The following SYT16 variants were observed in gnomAD, a reference collection of about 807,000 sequenced individuals.
The protein encoded by SYT16 is synaptotagmin-16.
SYT16 carries 42 observed loss-of-function variants against 61.4 expected under a neutral mutation model. The observed-to-expected ratio is 0.68, with a 90% CI of 0.53 to 0.89. SYT16 has a LOEUF of 0.89. Ranked by LOEUF, SYT16 falls within the 40% of genes least tolerant of loss-of-function variation. SYT16 has a pLI of 0.00. For synonymous variants in SYT16, 314 were observed against 302.3 expected, an observed-to-expected ratio of 1.04 and a Z score of -0.40; for missense variants, 804 against 807.3, an observed-to-expected ratio of 1.00 and a Z score of 0.05.
Position 62,105,822 on chromosome 14 carries a change from G to A in SYT16, c.*5115G>A, listed in dbSNP as rs1314557158. On this transcript the variant is annotated 3_prime_UTR_variant, in exon 8 of 8. Transcript: ENST00000683842. Reference sequence around the variant, plus strand: ...GAAACATGATTCTGGGATGAGAAGTGCGAGGCTACACTCCTAATATAATCA... The same window carrying A: ...GAAACATGATTCTGGGATGAGAAGTACGAGGCTACACTCCTAATATAATCA... The A allele has an allele frequency of 6.6e-6, 1 of 152,208 alleles. No individual in the cohort carries two copies. The highest frequency in any genetic ancestry group is 2.4e-5 in the African/African-American group (1 of 41,444). 9.4% of individuals were successfully genotyped at this position (152,208 alleles called of 1,614,324 possible).
chr14:61,926,162 T>C (rs1453058327), intron 1 of SYT16, among the ~76,000 whole-genome samples: 1 of 152,158 alleles, frequency 6.6e-6, no homozygotes, highest in Non-Finnish European at 1.5e-5. Flanking sequence ...AAGTTGTGAC[T>C]TCCAAAAAAA....
chr14:61,846,873 T>A (rs1326649001), intron 1 of SYT16, among the ~76,000 whole-genome samples: 1 of 152,174 alleles, frequency 6.6e-6, no homozygotes, highest in Non-Finnish European at 1.5e-5. Flanking sequence ...TACTATCTTA[T>A]AACCCATTAT....
intron 1 of SYT16, among the ~76,000 whole-genome samples, chr14:61,941,333 C>T (rs1337780653): frequency 1.3e-5 from 2 of 152,288 alleles, no homozygotes; most frequent in African/African-American, 2.4e-5. Flanking sequence ...ATTCAGGCTT[C>T]AGCTCATATA....
intron 1 of SYT16, among the ~76,000 whole-genome samples, chr14:61,876,611 T>G (rs1020384730): frequency 6.6e-6 from 1 of 152,230 alleles, no homozygotes; most frequent in Non-Finnish European, 1.5e-5. Flanking sequence ...GTTTGATAAT[T>G]GCTGGGTAAA....
intron 1 of SYT16, among the ~76,000 whole-genome samples, chr14:61,965,115 C>T (rs2051262415): frequency 6.6e-6 from 1 of 152,138 alleles, no homozygotes; most frequent in Admixed American, 6.6e-5. Flanking sequence ...GGTATGACTG[C>T]ATTTTCAATT....
chr14:62,020,860 C>A (rs918852623), intron 3 of SYT16, among the ~76,000 whole-genome samples: 3 of 152,180 alleles, frequency 2.0e-5, no homozygotes, highest in African/African-American at 7.2e-5. Context: ...CATGCAGCCA[C>A]ATGGCTTCTC....
intron 4 of SYT16, among the ~76,000 whole-genome samples, chr14:62,072,176 A>G (rs181588896): frequency 6.6e-6 from 1 of 152,118 alleles, no homozygotes; most frequent in African/African-American, 2.4e-5. Flanking sequence ...TGTGTATGGA[A>G]TAGTTATTCT....
intron 1 of SYT16, among the ~76,000 whole-genome samples, chr14:61,834,518 A>G (rs986415861): frequency 1.5e-5 from 2 of 130,082 alleles, no homozygotes; most frequent in Non-Finnish European, 3.2e-5. Context: ...GCTCACTGCA[A>G]CCTCTGCCTC....
At chr14:62,091,871 CA>C (rs2057087623) in intron 7 of SYT16, among the ~76,000 whole-genome samples, 1 of 152,026 alleles carries the variant, frequency 6.6e-6, no homozygotes, top group African/African-American at 2.4e-5. Context: ...CATGTAAGTT[CA>C]AAAATTTTGT....
chr14:62,063,346 G>C (rs990933313), intron 3 of SYT16, among the ~76,000 whole-genome samples: 1 of 152,216 alleles, frequency 6.6e-6, no homozygotes, highest in African/African-American at 2.4e-5. Context: ...TGCTGATGAA[G>C]ACGATGAATA....
intron 3 of SYT16, among the ~76,000 whole-genome samples, chr14:62,049,384 T>C (rs10130527): frequency 0.3 from 45,520 of 152,132 alleles, 8,422 homozygotes; most frequent in African/African-American, 0.53. Context: ...GCATGTGAGA[T>C]GGGTTTCCTG....
intron 2 of SYT16, among the ~76,000 whole-genome samples, chr14:61,991,290 C>T (rs903613114): frequency 1.3e-5 from 2 of 150,540 alleles, no homozygotes; most frequent in Non-Finnish European, 3.0e-5. Context: ...TGTATTTTTC[C>T]TTCTAATCCA....
intron 1 of SYT16, among the ~76,000 whole-genome samples, chr14:61,882,596 C>T (rs2047740318): frequency 6.6e-6 from 1 of 152,122 alleles, no homozygotes; most frequent in African/African-American, 2.4e-5. Context: ...AATATCATTC[C>T]TCCCCAGCCC....
At chr14:61,923,495 C>T (rs2049418605) in intron 1 of SYT16, among the ~76,000 whole-genome samples, 1 of 152,128 alleles carries the variant, frequency 6.6e-6, no homozygotes, top group South Asian at 2.1e-4. Flanking sequence ...ACCTCTCTTC[C>T]CCAAATCTCT....
intron 3 of SYT16, among the ~76,000 whole-genome samples, chr14:62,042,623 A>G (rs2140853793): frequency 6.6e-6 from 1 of 152,294 alleles, no homozygotes; most frequent in Non-Finnish European, 1.5e-5. Flanking sequence ...AATCATTTCA[A>G]GTGGTTCTTT....
intron 3 of SYT16, among the ~76,000 whole-genome samples, chr14:62,020,610 CCT>C (rs1462383280): frequency 6.6e-6 from 1 of 152,116 alleles, no homozygotes; most frequent in Non-Finnish European, 1.5e-5. Flanking sequence ...TTTTCATTTC[CCT>C]CTCTCCAATT....
At chr14:61,865,148 C>G in intron 1 of SYT16, 1 of 1,253,058 alleles carries the variant, frequency 8.0e-7, no homozygotes, top group East Asian at 2.3e-5. Context: ...CGATAAATGC[C>G]GCTCCCTGCA....
rs143446273 is a variant in SYT16 at position 62,059,226 on chromosome 14, T to TA, written c.524-10370dup. Among the ~76,000 whole-genome samples, 1,419 of 152,234 alleles carry TA rather than the reference T, an allele frequency of 9.3e-3. 54 individuals are homozygous for TA. The East Asian group carries it at 0.097, about 10-fold the overall frequency. ...CACACGTACCCCTGAACTTAAAAGT[T>TA]AAAAAAAGAAAAGATTTTTAAAAAC... On this transcript the variant is annotated intron_variant, in intron 3 of 7. Transcript: ENST00000683842.
chr14:61,876,968 C>T (rs544139850), intron 1 of SYT16, among the ~76,000 whole-genome samples: 1 of 152,334 alleles, frequency 6.6e-6, no homozygotes, highest in Non-Finnish European at 1.5e-5. Context: ...GTTATCCAAA[C>T]AGAGCTGAAG....
Sources: allele counts gnomAD v4.1 joint callset (sites outside exome capture counted in the v4.1 genomes callset), GRCh38; gene constraint gnomAD v4.1.1; transcripts MANE v1.5; gene names NCBI Gene and HGNC (gene_info 2026-07-23, HGNC 2026-07-21).